The following POM121C variants were observed in gnomAD, a reference collection of about 807,000 sequenced individuals.
POM121C encodes POM121 transmembrane nucleoporin C.
Under a neutral mutation model 66.4 loss-of-function variants are expected in POM121C, and 20 were observed. The observed-to-expected ratio is 0.30, with a 90% CI of 0.21 to 0.44. POM121C has a LOEUF of 0.44. Among genes scored for constraint, POM121C ranks in the 20% least tolerant of loss-of-function variants. The pLI is 1.00. For synonymous variants in POM121C, 286 were observed against 528.0 expected (o/e 0.54, Z 6.28); for missense variants, 580 against 1,225.7 (o/e 0.47, Z 7.87).
intron 3 of POM121C, among the ~76,000 whole-genome samples, chr7:75,469,202 C>T (rs1791784525): frequency 1.3e-5 from 2 of 151,918 alleles, no homozygotes; most frequent in Non-Finnish European, 2.9e-5. Flanking sequence ...CAGGCTAAAG[C>T]GATTCTCTCA....
chr7:75,441,295 A>G (rs1554473932), intron 4 of POM121C, 137 bp downstream of exon 4: 8 of 1,335,670 alleles, frequency 6.0e-6, no homozygotes, highest in Non-Finnish European at 7.1e-6. Context: ...CGGTTTTACT[A>G]GAATTTGGTA....
intron 3 of POM121C, among the ~76,000 whole-genome samples, chr7:75,458,110 C>T (rs200646565): frequency 6.1e-3 from 909 of 148,622 alleles, no homozygotes; most frequent in East Asian, 0.053. Flanking sequence ...AAATGGGAAA[C>T]GGGTTAAATA....
intron 1 of POM121C, among the ~76,000 whole-genome samples, chr7:75,484,783 G>A (rs1192912046): frequency 6.6e-6 from 1 of 151,736 alleles, no homozygotes; most frequent in African/African-American, 2.4e-5. Flanking sequence ...TTTACAAATA[G>A]TCTGCCATCA....
chr7:75,484,816 A>G (rs1260251664), intron 1 of POM121C, among the ~76,000 whole-genome samples: 1 of 152,144 alleles, frequency 6.6e-6, no homozygotes, highest in Non-Finnish European at 1.5e-5. Flanking sequence ...AGGCGCAAAA[A>G]GAAAAAAAAT....
rs782191339 is a variant in POM121C, at chr7:75,422,014, A to G, written c.2238T>C (p.Pro746=). The change falls in exon 13 of 15, where the codon CCT becomes CCC. Residue 746 remains proline (P), a synonymous_variant. Transcript: ENST00000615331. ...CGATCTTGATCGTGGACGCAGGTGC[A>G]GGTGTGGGTGCAGTAGCCGGGGCCG... is the stretch of plus-strand genomic sequence containing the variant. ...AAPAPATAPT[P]APASTIKIVP... is the part of the protein sequence containing the mutation. The G allele has an allele frequency of 1.8e-5, 29 of 1,613,662 alleles. No individual in the cohort carries two copies. The highest frequency in any genetic ancestry group is 2.7e-5 in the African/African-American group (2 of 74,956).
intron 3 of POM121C, among the ~76,000 whole-genome samples, chr7:75,446,573 C>T (rs1790817501): frequency 1.3e-5 from 2 of 150,964 alleles, no homozygotes; most frequent in South Asian, 4.2e-4. Context: ...TACTCAAGCA[C>T]CCCAGGAATG....
At chr7:75,451,137 C>T (rs1373059954) in intron 3 of POM121C, among the ~76,000 whole-genome samples, 1 of 152,198 alleles carries the variant, frequency 6.6e-6, no homozygotes, top group African/African-American at 2.4e-5. Context: ...CTATTCCCAA[C>T]AAGCTACTGA....
intron 3 of POM121C, among the ~76,000 whole-genome samples, chr7:75,455,335 G>A (rs1351839489): frequency 2.0e-5 from 3 of 152,184 alleles, no homozygotes; most frequent in African/African-American, 4.8e-5. Flanking sequence ...TCGCTCTGTC[G>A]CCAGGCTGGA....
intron 13 of POM121C, chr7:75,419,807 T>C (rs1789621431): frequency 8.9e-6 from 2 of 225,144 alleles, no homozygotes; most frequent in South Asian, 7.1e-5. Flanking sequence ...CTAGCCACCG[T>C]CCCCTCCCCT....
intron 7 of POM121C, among the ~76,000 whole-genome samples, chr7:75,432,141 C>T (rs1177252864): frequency 3.4e-5 from 5 of 147,536 alleles, no homozygotes; most frequent in East Asian, 2.0e-4. Context: ...GCCGAGATCG[C>T]GCCACTACAC....
intron 1 of POM121C, among the ~76,000 whole-genome samples, chr7:75,476,979 G>C (rs749176467): frequency 4.0e-5 from 6 of 151,856 alleles, no homozygotes; most frequent in African/African-American, 1.2e-4. Flanking sequence ...AATAGAAACT[G>C]ATGGATACTT....
intron 3 of POM121C, among the ~76,000 whole-genome samples, chr7:75,449,630 G>A (rs1167387221): frequency 6.6e-6 from 1 of 152,130 alleles, no homozygotes; most frequent in Non-Finnish European, 1.5e-5. Context: ...GCCTCCCAAA[G>A]TGCTGGGATT....
chr7:75,442,359 G>A, intron 3 of POM121C: 1 of 1,426,602 alleles, frequency 7.0e-7, no homozygotes, highest in South Asian at 1.5e-5. Flanking sequence ...ATGAGGAGCA[G>A]TTCGGCAGGG....
In POM121C at chr7:75,421,615, G is replaced by A; in HGVS notation, c.2637C>T (p.Thr879=). 1 of 1,613,528 alleles carries A rather than the reference G, an allele frequency of 6.2e-7. No individual in the cohort carries two copies. The highest frequency in any genetic ancestry group is 8.5e-7 in the Non-Finnish European group (1 of 1,179,794). The part of the protein sequence containing the change: ...AGQSGSTATS[T]PFTGGLGQNA... ...TCTGACCTAAGCCCCCTGTGAAGGG[G>A]GTGGAGGTGGCTGTGCTCCCACTCT... The change falls in exon 13 of 15, where the codon ACC becomes ACT. Residue 879 remains threonine, a synonymous_variant. Transcript: ENST00000615331.
At position 75,425,582 on chromosome 7, in the gene POM121C, C is replaced by T; in HGVS notation, c.646+53G>A. ...AATAGGTATTAATCTCTACATCCTC[C>T]ACAAATACCTCCACCACCAACAGCA... On this transcript the variant is annotated intron_variant, in intron 9 of 14. Coordinates refer to ENST00000615331, the MANE Select transcript of POM121C (RefSeq NM_001099415.3). 2.0e-6 allele frequency: 3 copies of T among 1,531,134 alleles called. No homozygotes were observed. The South Asian group carries it at 3.6e-5, about 18-fold the overall frequency. The allele number at this position is 1,531,134 out of a possible 1,614,324, so 94.8% of individuals were successfully genotyped here.
intron 3 of POM121C, among the ~76,000 whole-genome samples, chr7:75,468,126 T>TAAAAAAAA (rs368723160): frequency 1.6e-5 from 1 of 64,352 alleles, no homozygotes; most frequent in African/African-American, 3.9e-5. Flanking sequence ...AGACTCTGTC[T>TAAAAAAAA]AAAAAAAAAA....
intron 7 of POM121C, among the ~76,000 whole-genome samples, chr7:75,435,762 T>G (rs782711322): frequency 1.3e-5 from 2 of 152,202 alleles, no homozygotes; most frequent in Non-Finnish European, 2.9e-5. Context: ...TATTTTGAAA[T>G]TGCATGGCCA....
chr7:75,420,002 G>A (rs766385825), intron 13 of POM121C: 40 of 153,622 alleles, frequency 2.6e-4, no homozygotes, highest in Non-Finnish European at 5.2e-4. Flanking sequence ...GTGCTCCCAC[G>A]CTGCTTCCAC....
At chr7:75,427,759 A>G (rs7796635) in intron 7 of POM121C, among the ~76,000 whole-genome samples, 1,615 of 152,320 alleles carry the variant, frequency 0.011, 33 homozygotes, top group African/African-American at 0.036. Flanking sequence ...GCTACATCAT[A>G]TAAGTACAAA....
Sources: gnomAD v4.1 joint callset for allele counts (sites outside exome capture counted in the v4.1 genomes callset) on GRCh38, gnomAD v4.1.1 for gene constraint, MANE v1.5 for transcripts, NCBI Gene and HGNC (gene_info 2026-07-23, HGNC 2026-07-21) for gene names.